SERPIND1: variants seen among roughly 807,000 people sequenced by gnomAD.
SERPIND1 encodes heparin cofactor 2.
In SERPIND1, 34 loss-of-function variants were observed where a neutral mutation model predicts 35.0. The observed-to-expected ratio is 0.97, with a 90% CI of 0.74 to 1.29. SERPIND1 has a LOEUF of 1.29. Among genes scored for constraint, SERPIND1 ranks in the 50% most tolerant of loss-of-function variants. The probability of loss-of-function intolerance (pLI) is 0.00; values close to 1 mark genes in which losing one functional copy is unlikely to be tolerated. For missense variants in SERPIND1, 633 were observed against 637.7 expected (o/e 0.99, Z 0.08); for synonymous variants, 236 against 241.1 (o/e 0.98, Z 0.19).
intron 1 of SERPIND1, among the ~76,000 whole-genome samples, chr22:20,775,559 T>C (rs1933206391): frequency 6.6e-6 from 1 of 152,258 alleles, no homozygotes; most frequent in Non-Finnish European, 1.5e-5. Flanking sequence ...TACGTTTTCC[T>C]GAATGCTTAT....
At chr22:20,781,825 G>A (rs979127409) in intron 2 of SERPIND1, among the ~76,000 whole-genome samples, 3 of 152,184 alleles carry the variant, frequency 2.0e-5, no homozygotes, top group Non-Finnish European at 4.4e-5. Flanking sequence ...ACCACTTCTC[G>A]TTTGTGTGAC....
At position 20,787,081 on chromosome 22, in the gene SERPIND1, G is replaced by C. The variant is rs927921468; in HGVS notation, c.*15G>C. ...GCAGGTCCTAGAGGTGGAGGTCTAG[G>C]TGTCTGAAGTGCCTTGGGGGCACCC... On this transcript the variant is annotated 3_prime_UTR_variant, in exon 5 of 5. Coordinates refer to ENST00000215727, the MANE Select transcript of SERPIND1 (RefSeq NM_000185.4). 1.2e-6 allele frequency: 2 copies of C among 1,610,658 alleles called. No homozygotes were observed. Among genetic ancestry groups the C allele is most frequent in the Admixed American group, 1.7e-5 (1 of 60,022 alleles).
chr22:20,786,489 T>A (rs1193274130), intron 4 of SERPIND1, among the ~76,000 whole-genome samples: 2 of 152,164 alleles, frequency 1.3e-5, no homozygotes, highest in Non-Finnish European at 2.9e-5. Flanking sequence ...CACCGCACTA[T>A]ACACATACTT....
intron 3 of SERPIND1, among the ~76,000 whole-genome samples, chr22:20,784,776 C>T (rs1934076132): frequency 6.6e-6 from 1 of 152,096 alleles, no homozygotes; most frequent in South Asian, 2.1e-4. Context: ...GTGTTAAGTA[C>T]TTATTGAGAT....
At chr22:20,781,226 A>T (rs1029362020) in intron 2 of SERPIND1, among the ~76,000 whole-genome samples, 6 of 152,316 alleles carry the variant, frequency 3.9e-5, no homozygotes, top group Middle Eastern at 3.4e-3. Flanking sequence ...TAAAATCCAA[A>T]CCTCTCTTTT....
intron 2 of SERPIND1, among the ~76,000 whole-genome samples, chr22:20,783,713 T>C (rs762992094): frequency 9.9e-5 from 15 of 152,188 alleles, no homozygotes; most frequent in Admixed American, 2.6e-4. Flanking sequence ...GCGAGTTAGG[T>C]GCCTTACCAT....
At chr22:20,781,313 C>T (rs541797816) in intron 2 of SERPIND1, among the ~76,000 whole-genome samples, 1 of 152,182 alleles carries the variant, frequency 6.6e-6, no homozygotes, top group East Asian at 1.9e-4. Context: ...AGGGGAAACA[C>T]GAGGAATGGT....
At chr22:20,775,194 G>GAA (rs797021350) in intron 1 of SERPIND1, among the ~76,000 whole-genome samples, 2 of 138,806 alleles carry the variant, frequency 1.4e-5, no homozygotes, top group Non-Finnish European at 3.1e-5. Flanking sequence ...AAGTTCCCAG[G>GAA]AAAAAAAAAA....
Position 20,784,155 on chromosome 22 carries a change from T to C in SERPIND1, c.1073T>C (p.Val358Ala), listed in dbSNP as rs913893598. The change falls in exon 3 of 5, where the codon GTG (valine) becomes GCG (alanine). Residue 358 changes from valine to alanine, a missense_variant. Val to Ala is a moderately conservative substitution (Grantham distance 64). Transcript: ENST00000215727. Reference protein sequence around the residue: ...EYVGGISMLIVVPHKMSGMKT... With the variant: ...EYVGGISMLIAVPHKMSGMKT... The stretch of plus-strand genomic sequence containing the variant: ...GTGGGGGGCATCAGCATGCTAATTG[T>C]GGTCCCACACAAGATGTCTGGGATG... The C allele has an allele frequency of 5.6e-6, 9 of 1,614,056 alleles. No homozygotes were observed. Among genetic ancestry groups the C allele is most frequent in the Non-Finnish European group, 7.6e-6 (9 of 1,180,040 alleles).
rs763861315 is a variant in SERPIND1, at chr22:20,779,340, A to G, written c.28A>G (p.Ile10Val). 13 of 1,614,064 alleles carry G rather than the reference A, an allele frequency of 8.1e-6. No individual in the cohort carries two copies. The highest frequency in any genetic ancestry group is 1.1e-5 in the Non-Finnish European group (13 of 1,180,008). The change falls in exon 2 of 5, where the codon ATT (isoleucine) becomes GTT (valine). Residue 10 changes from isoleucine (I) to valine (V), a missense_variant. Transcript: ENST00000215727. MKHSLNALL[I>V]FLIITSAWGG... ...GAAACACTCATTAAACGCACTTCTC[A>G]TTTTCCTCATCATAACATCTGCGTG... is the stretch of plus-strand genomic sequence containing the variant.
Position 20,781,902 on chromosome 22 carries a change from C to T in SERPIND1, c.889+1701C>T, listed in dbSNP as rs192276363. Among the ~76,000 whole-genome samples, 259 of 152,316 alleles carry T rather than the reference C, an allele frequency of 1.7e-3. 2 individuals carry two copies. Among genetic ancestry groups the T allele is most frequent in the African/African-American group, 6.0e-3 (249 of 41,560 alleles). On this transcript the variant is annotated intron_variant, in intron 2 of 4. Transcript: ENST00000215727. ...ATCTTTATCACAGAGATGACACCCA[C>T]TCTGACAGGGCCGAGGGAAGAACCA...
chr22:20,777,947 G>A (rs1036045286), intron 1 of SERPIND1, among the ~76,000 whole-genome samples: 2 of 152,256 alleles, frequency 1.3e-5, no homozygotes, highest in Middle Eastern at 3.4e-3. Flanking sequence ...AATAAAGGGA[G>A]TGCCCCTCAG....
In SERPIND1 at chr22:20,779,462, G is replaced by T. The variant is rs1933572160; in HGVS notation, c.150G>T (p.Leu50=). ...PQWEQLNNKN[L]SMPLLPADFH... The stretch of plus-strand genomic sequence containing the variant: ...GGGAGCAGTTAAATAACAAAAACCT[G>T]AGCATGCCTCTTCTCCCTGCCGACT... Residue 50 remains leucine (L), a synonymous_variant, in exon 2 of 5, where the codon CTG becomes CTT. Coordinates refer to ENST00000215727, the MANE Select transcript of SERPIND1 (RefSeq NM_000185.4). The T allele has an allele frequency of 6.2e-7, 1 of 1,614,152 alleles. No homozygotes were observed. The highest frequency in any genetic ancestry group is 1.3e-5 in the African/African-American group (1 of 75,066).
intron 4 of SERPIND1, 22 bp from the exon 5 acceptor site, chr22:20,786,853 G>A (rs779655654): frequency 1.2e-6 from 2 of 1,613,740 alleles, no homozygotes; most frequent in East Asian, 4.5e-5. Flanking sequence ...TCCAGAATCT[G>A]ACAACTTTCC....
intron 2 of SERPIND1, among the ~76,000 whole-genome samples, 197 bp from the exon 3 acceptor site, chr22:20,783,775 G>A (rs556461286): frequency 2.6e-5 from 4 of 152,264 alleles, no homozygotes; most frequent in South Asian, 2.1e-4. Context: ...ATTCCAGTCC[G>A]GGTAACCTCT....
At chr22:20,785,067 CTTTTT>C (rs1555894632) in intron 3 of SERPIND1, among the ~76,000 whole-genome samples, 1 of 134,448 alleles carries the variant, frequency 7.4e-6, no homozygotes, top group Non-Finnish European at 1.6e-5. Context: ...GGGACTGCAT[CTTTTT>C]TTTTTTTTTT....
Position 20,779,790 on chromosome 22 carries a change from A to G in SERPIND1, c.478A>G (p.Thr160Ala), listed in dbSNP as rs756943804. The change falls in exon 2 of 5, where the codon ACT becomes GCT. Residue 160 changes from threonine to alanine, a missense_variant. Transcript: ENST00000215727. Reference sequence around the variant, plus strand: ...CTTCATAGCACCCGTTGGCATTTCTACTGCGATGGGTATGATTTCCTTAGG... The same window carrying G: ...CTTCATAGCACCCGTTGGCATTTCTGCTGCGATGGGTATGATTTCCTTAGG... ...NIFIAPVGIS[T>A]AMGMISLGLK... 1.2e-6 allele frequency: 2 copies of G among 1,614,236 alleles called. No homozygotes were observed. The highest frequency in any genetic ancestry group is 1.7e-6 in the Non-Finnish European group (2 of 1,180,044).
At chr22:20,777,374 G>A (rs758211432) in intron 1 of SERPIND1, among the ~76,000 whole-genome samples, 14 of 151,874 alleles carry the variant, frequency 9.2e-5, no homozygotes, top group Non-Finnish European at 1.8e-4. Context: ...GCGCCACCAC[G>A]CCGGCTAATT....
Position 20,786,960 on chromosome 22 carries a change from C to T in SERPIND1, c.1394C>T (p.Thr465Ile). Residue 465 changes from threonine to isoleucine, a missense_variant, in exon 5 of 5, where the codon ACC becomes ATC. Thr to Ile is a moderately conservative substitution (Grantham distance 89, BLOSUM62 -1). Transcript: ENST00000215727. The stretch of plus-strand genomic sequence containing the variant: ...ACGGTGGGGTTCATGCCGCTGTCCA[C>T]CCAAGTCCGCTTCACTGTCGACCGC... ...VTTVGFMPLS[T>I]QVRFTVDRPF... 3 of 1,614,196 alleles carry T rather than the reference C, an allele frequency of 1.9e-6. No homozygotes were observed. The highest frequency in any genetic ancestry group is 2.5e-6 in the Non-Finnish European group (3 of 1,180,040).
Sources: allele counts gnomAD v4.1 joint callset (sites outside exome capture counted in the v4.1 genomes callset), GRCh38; gene constraint gnomAD v4.1.1; transcripts MANE v1.5; gene names NCBI Gene and HGNC (gene_info 2026-07-23, HGNC 2026-07-21).